IMMP2L: variants seen among roughly 807,000 people sequenced by gnomAD.
The protein encoded by IMMP2L is inner mitochondrial membrane peptidase subunit 2, also known as mitochondrial inner membrane protease subunit 2.
A neutral mutation model predicts 19.3 loss-of-function variants in IMMP2L; 18 were observed. The observed-to-expected ratio is 0.93, with a 90% CI of 0.64 to 1.38. The LOEUF (loss-of-function observed/expected upper bound fraction) is 1.38, where lower values mean the gene tolerates loss of function less well. IMMP2L is among the 40% of genes most tolerant of loss of function. The probability of loss-of-function intolerance (pLI) is 0.00; values close to 1 mark genes in which losing one functional copy is unlikely to be tolerated. For synonymous variants in IMMP2L, 76 were observed against 73.0 expected (o/e 1.04, Z -0.21); for missense variants, 233 against 218.2 (o/e 1.07, Z -0.43).
intron 5 of IMMP2L, among the ~76,000 whole-genome samples, chr7:110,779,422 T>C (rs545149348): frequency 9.9e-5 from 15 of 152,104 alleles, no homozygotes; most frequent in African/African-American, 3.6e-4. Flanking sequence ...CAGGCACTGT[T>C]CTTACTAAAT....
intron 3 of IMMP2L, among the ~76,000 whole-genome samples, chr7:111,135,497 T>C (rs1802246704): frequency 1.3e-5 from 2 of 152,174 alleles, no homozygotes; most frequent in Admixed American, 6.5e-5. Context: ...TAAAGATTTT[T>C]ACTGTATTGG....
chr7:111,528,379 T>G (rs1461543208), intron 1 of IMMP2L, among the ~76,000 whole-genome samples: 1 of 152,204 alleles, frequency 6.6e-6, no homozygotes, highest in Non-Finnish European at 1.5e-5. Context: ...TGGAAGTCAC[T>G]GAGGTTCAAA....
At chr7:111,175,024 CTATT>C (rs1806885652) in intron 3 of IMMP2L, among the ~76,000 whole-genome samples, 1 of 151,792 alleles carries the variant, frequency 6.6e-6, no homozygotes, top group Non-Finnish European at 1.5e-5. Context: ...ATACTGAACT[CTATT>C]AAACTGAAAA....
chr7:111,467,613 C>A (rs1271612679), intron 3 of IMMP2L, among the ~76,000 whole-genome samples: 1 of 152,062 alleles, frequency 6.6e-6, no homozygotes, highest in Non-Finnish European at 1.5e-5. Context: ...GGTTAATTAC[C>A]CTTTTAACTA....
At chr7:111,211,782 G>A (rs1811337919) in intron 3 of IMMP2L, among the ~76,000 whole-genome samples, 2 of 152,150 alleles carry the variant, frequency 1.3e-5, no homozygotes, top group African/African-American at 4.8e-5. Flanking sequence ...GGCCGAGGCA[G>A]GCAGATCGAG....
chr7:110,694,115 A>C (rs1488938341), intron 5 of IMMP2L, among the ~76,000 whole-genome samples: 4 of 152,234 alleles, frequency 2.6e-5, no homozygotes, highest in Non-Finnish European at 2.9e-5. Flanking sequence ...CCTGTGAAAT[A>C]GACTTGTGAA....
intron 1 of IMMP2L, among the ~76,000 whole-genome samples, chr7:111,547,039 TTAAG>T (rs1848991516): frequency 6.6e-6 from 1 of 152,022 alleles, no homozygotes; most frequent in Non-Finnish European, 1.5e-5. Context: ...TTAGGCCAAT[TTAAG>T]TAAGTTTTTC....
At chr7:110,770,343 C>T (rs1798954751) in intron 5 of IMMP2L, among the ~76,000 whole-genome samples, 1 of 152,056 alleles carries the variant, frequency 6.6e-6, no homozygotes, top group African/African-American at 2.4e-5. Flanking sequence ...TAATGGCACT[C>T]ATTAGTGAAT....
chr7:110,904,338 A>T (rs1812233208), intron 4 of IMMP2L, among the ~76,000 whole-genome samples: 1 of 152,104 alleles, frequency 6.6e-6, no homozygotes, highest in Admixed American at 6.6e-5. Context: ...GACCAATGTC[A>T]TGAAGTTTTT....
chr7:111,121,905 A>T (rs942881901), intron 3 of IMMP2L, among the ~76,000 whole-genome samples: 9 of 152,214 alleles, frequency 5.9e-5, no homozygotes, highest in African/African-American at 2.2e-4. Context: ...GCCATAAAAA[A>T]TGATGAGTTC....
intron 3 of IMMP2L, among the ~76,000 whole-genome samples, chr7:110,988,421 C>G (rs1242796200): frequency 2.0e-5 from 3 of 152,160 alleles, no homozygotes; most frequent in African/African-American, 4.8e-5. Context: ...GTGCATATGA[C>G]TTCTAGTCAC....
chr7:111,082,409 T>C (rs901951047), intron 3 of IMMP2L, among the ~76,000 whole-genome samples: 63 of 152,324 alleles, frequency 4.1e-4, no homozygotes, highest in African/African-American at 1.5e-3. Flanking sequence ...TCTCATGGAA[T>C]GTTATTACAG....
In IMMP2L at chr7:110,924,790, A is replaced by C. The variant is rs1814675948; in HGVS notation, c.306-38095T>G. On this transcript the variant is annotated intron_variant, in intron 4 of 5. Coordinates refer to ENST00000405709, the MANE Select transcript of IMMP2L (RefSeq NM_032549.4). The surrounding 1 kb of genome is among the most constrained non-coding windows in gnomAD (Gnocchi z 4.2). Reference sequence around the variant, plus strand: ...TCTACGTGTTCTAGTTATTGCTCCAAAGTAGAATTGGTATACACAGCTGAT... The same window carrying C: ...TCTACGTGTTCTAGTTATTGCTCCACAGTAGAATTGGTATACACAGCTGAT... Among the ~76,000 whole-genome samples, 1 of 152,140 alleles carries C rather than the reference A, an allele frequency of 6.6e-6. No homozygotes were observed. The highest frequency in any genetic ancestry group is 1.5e-5 in the Non-Finnish European group (1 of 68,022).
chr7:111,055,051 C>CTT (rs113824921), intron 3 of IMMP2L, among the ~76,000 whole-genome samples: 4 of 134,718 alleles, frequency 3.0e-5, no homozygotes, highest in Admixed American at 7.4e-5. Context: ...TTTCTTCCTT[C>CTT]TTTTTTTTTT....
At chr7:111,556,008 C>CTG (rs149893305) in intron 1 of IMMP2L, among the ~76,000 whole-genome samples, 647 of 17,156 alleles carry the variant, frequency 0.038, 17 homozygotes, top group South Asian at 0.22. Flanking sequence ...CATCCCTCTT[C>CTG]TGTGTGCATG....
intron 3 of IMMP2L, among the ~76,000 whole-genome samples, chr7:111,152,759 T>C (rs1486037852): frequency 5.9e-5 from 9 of 152,112 alleles, no homozygotes; most frequent in Non-Finnish European, 1.3e-4. Context: ...ACAAAAATAA[T>C]GTCTATTTAC....
intron 3 of IMMP2L, among the ~76,000 whole-genome samples, chr7:111,159,003 C>T (rs1056481706): frequency 3.3e-5 from 5 of 152,100 alleles, no homozygotes; most frequent in African/African-American, 1.2e-4. Context: ...TCATAATGTA[C>T]CTTTAGAAGT....
intron 4 of IMMP2L, among the ~76,000 whole-genome samples, chr7:110,907,560 G>A (rs951024044): frequency 6.6e-5 from 10 of 151,690 alleles, no homozygotes; most frequent in Admixed American, 6.6e-4. Context: ...GGGAAAACAG[G>A]ATGTAAGTTC....
chr7:110,883,328 G>C (rs1337958207), intron 5 of IMMP2L, among the ~76,000 whole-genome samples: 1 of 152,040 alleles, frequency 6.6e-6, no homozygotes, highest in East Asian at 1.9e-4. Flanking sequence ...ATAAATAATA[G>C]TTCTAATGCT....
Sources: gnomAD v4.1 joint callset for allele counts (sites outside exome capture counted in the v4.1 genomes callset) on GRCh38, gnomAD v4.1.1 for gene constraint, Gnocchi (gnomAD v3.1) non-coding constraint, MANE v1.5 for transcripts, NCBI Gene and HGNC (gene_info 2026-07-23, HGNC 2026-07-21) for gene names.